Variants in F12 observed in about 807,000 individuals in gnomAD.
F12 encodes the protein coagulation factor XII.
Under a neutral mutation model 74.8 loss-of-function variants are expected in F12, and 70 were observed. That is an observed-to-expected ratio of 0.94 (90% confidence interval 0.77 to 1.14). The LOEUF is 1.14. Ranked by LOEUF, F12 falls within the 50% of genes most tolerant of loss-of-function variation. The pLI is 0.00. For synonymous variants in F12, 373 were observed against 356.4 expected, an observed-to-expected ratio of 1.05 and a Z score of -0.52; for missense variants, 811 against 835.7, an observed-to-expected ratio of 0.97 and a Z score of 0.36.
chr5:177,405,680 A>G, intron 4 of F12, 55 bp downstream of exon 4: 2 of 1,536,810 alleles, frequency 1.3e-6, no homozygotes, highest in South Asian at 1.1e-5. Context: ...ATACCAGGAG[A>G]GTAATGAGGC....
chr5:177,403,308 G>A lies in F12; in HGVS notation c.1477C>T (p.Arg493Ter), dbSNP rs1340560369. The A allele has an allele frequency of 7.5e-6, 12 of 1,599,382 alleles. No homozygotes were observed. Among genetic ancestry groups the A allele is most frequent in the Non-Finnish European group, 1.0e-5 (12 of 1,179,782 alleles). ...TGGCAGAGCGTGGTCTCGGAGGGTC[G>A]CGCGGCGCCGCTTGGCAGGCACACC... is the stretch of plus-strand genomic sequence containing the variant. ...QPVCLPSGAA[R>*]PSETTLCQVA... The change falls in exon 12 of 14, where the codon CGA becomes TGA. Residue 493 changes from arginine to a stop codon, truncating the protein, a stop_gained. Coordinates refer to ENST00000253496, the MANE Select transcript of F12 (RefSeq NM_000505.4). LOFTEE classifies it high-confidence loss of function.
rs1297284879 is a variant in F12, at chr5:177,404,092, T to G, written c.1019-2A>C. On this transcript the variant is annotated splice_acceptor_variant, in intron 9 of 13. Transcript: ENST00000253496. LOFTEE classifies it high-confidence loss of function. ...GCTGCTCCCGCTTCGCCGGCAAGGC[T>G]GTGGAGGAGCAGGGGCTGAGGACGG... 1.2e-6 allele frequency: 2 copies of G among 1,602,426 alleles called. No homozygotes were observed. The highest frequency in any genetic ancestry group is 1.1e-5 in the South Asian group (1 of 90,498).
chr5:177,404,708 C>G (rs1292294475), intron 7 of F12, 44 bp from the exon 8 acceptor site: 1 of 1,605,574 alleles, frequency 6.2e-7, no homozygotes, highest in Non-Finnish European at 8.5e-7. Flanking sequence ...GCTGGGCTCT[C>G]CTGCCTCCCT....
At position 177,403,550 on chromosome 5, in the gene F12, G is replaced by T. The variant is rs1763197852; in HGVS notation, c.1318C>A (p.Gln440Lys). 13 of 1,600,778 alleles carry T rather than the reference G, an allele frequency of 8.1e-6. No homozygotes were observed. The East Asian group carries it at 2.7e-4, about 33-fold the overall frequency. The change falls in exon 11 of 14, where the codon CAG (glutamine) becomes AAG (lysine). Residue 440 changes from glutamine (Q) to lysine (K), a missense_variant. Transcript: ENST00000253496. ...CGGTAGGAGCGCACGGCCAACGTCT[G>T]GCACGGCTCACAGCTGTGGTTACGG... The part of the protein sequence containing the change: ...ERRNHSCEPC[Q>K]TLAVRSYRLH...
chr5:177,405,791 G>T lies in F12; in HGVS notation c.230C>A (p.Pro77His). 6.2e-7 allele frequency: 1 copy of T among 1,614,154 alleles called. No individual in the cohort carries two copies. ...PGPQPWCATT[P>H]NFDQDQRWGY... is the part of the protein sequence containing the mutation. ...CCATCGCTGGTCCTGATCAAAGTTGGGGGTGGTAGCACACCTGTAGAAAGA... is the reference window on the plus strand; with the variant it reads ...CCATCGCTGGTCCTGATCAAAGTTGTGGGTGGTAGCACACCTGTAGAAAGA... Residue 77 changes from proline to histidine, a missense_variant, in exon 4 of 14, where the codon CCC (proline) becomes CAC (histidine). Pro to His is a moderately conservative substitution (Grantham distance 77). Coordinates refer to ENST00000253496, the MANE Select transcript of F12 (RefSeq NM_000505.4).
rs747077611 is a variant in F12, at chr5:177,402,647, G to A, written c.1583C>T (p.Ser528Phe). 2 of 1,612,940 alleles carry A rather than the reference G, an allele frequency of 1.2e-6. No individual in the cohort carries two copies. The highest frequency in any genetic ancestry group is 2.2e-5 in the East Asian group (1 of 44,882). Residue 528 changes from serine (S) to phenylalanine (F), a missense_variant, in exon 13 of 14, where the codon TCC (serine) becomes TTC (phenylalanine). Ser to Phe is a radical substitution (Grantham distance 155, BLOSUM62 -2). Coordinates refer to ENST00000253496, the MANE Select transcript of F12 (RefSeq NM_000505.4). ...GTCCGGGGCTGAGCAGCGCTCCAGG[G>A]AGAGGAACGGTACCTGCGCCTCCTG... ...FLQEAQVPFL[S>F]LERCSAPDVH...
At chr5:177,406,851 G>T (rs1320317809) in intron 2 of F12, among the ~76,000 whole-genome samples, 2 of 152,184 alleles carry the variant, frequency 1.3e-5, no homozygotes, top group African/African-American at 4.8e-5. Flanking sequence ...TGAAAAATTT[G>T]CACATTCCCA....
chr5:177,402,334 C>T lies in F12; in HGVS notation c.1806G>A (p.Val602=). ...DRNKPGVYTD[V]AYYLAWIREH... ...CCCGGATCCAGGCCAGGTAGTAGGC[C>T]ACATCGGTGTAGACGCCTGGCTTGT... The change falls in exon 14 of 14, where the codon GTG becomes GTA. Residue 602 remains valine (V), a synonymous_variant. Transcript: ENST00000253496. 6.2e-7 allele frequency: 1 copy of T among 1,613,856 alleles called. No homozygotes were observed. The highest frequency in any genetic ancestry group is 8.5e-7 in the Non-Finnish European group (1 of 1,180,008).
chr5:177,405,009 T>C, intron 6 of F12, 45 bp downstream of exon 6: 1 of 1,604,364 alleles, frequency 6.2e-7, no homozygotes, highest in South Asian at 1.1e-5. Context: ...TGCCAGCCTG[T>C]CTTCCTGACG....
chr5:177,406,161 G>T, intron 2 of F12, 100 bp from the exon 3 acceptor site: 2 of 1,129,294 alleles, frequency 1.8e-6, no homozygotes, highest in Non-Finnish European at 1.3e-6. Context: ...CCTCAAAAAG[G>T]TCGCTGTGCA....
Position 177,403,952 on chromosome 5 carries a change from T to C in F12, c.1157A>G (p.Tyr386Cys). The change falls in exon 10 of 14, where the codon TAC becomes TGC. Residue 386 changes from tyrosine to cysteine, a missense_variant. Physicochemically the swap from Tyr to Cys is radical, Grantham distance 194 (BLOSUM62 -2). Transcript: ENST00000253496. The part of the protein sequence containing the change: ...GLVALRGAHP[Y>C]IAALYWGHSF... ...GTGGCCCCAGTACAGCGCGGCGATG[T>C]AGGGGTGCGCCCCGCGTAGCGCCAC... 6.2e-7 allele frequency: 1 copy of C among 1,601,666 alleles called. No individual in the cohort carries two copies. Among genetic ancestry groups the C allele is most frequent in the Non-Finnish European group, 8.5e-7 (1 of 1,178,640 alleles).
rs777932447 is a variant in F12 at position 177,405,030 on chromosome 5, G to A, written c.529+24C>T. On this transcript the variant is annotated intron_variant, in intron 6 of 13. Transcript: ENST00000253496. ...CCTGTCTTCCTGACGCTCCTCCCTGGCCCGTTCCCAACCATCTGCTCACCC... is the reference window on the plus strand; with the variant it reads ...CCTGTCTTCCTGACGCTCCTCCCTGACCCGTTCCCAACCATCTGCTCACCC... 1.7e-5 allele frequency: 27 copies of A among 1,609,170 alleles called. 1 individual carries two copies. In the East Asian group the frequency reaches 2.7e-4, roughly 16 times the overall value.
In F12 at chr5:177,402,465, T is replaced by G. The variant is rs1717176626; in HGVS notation, c.1681-6A>C. On this transcript the variant is annotated splice_region_variant and splice_polypyrimidine_tract_variant and intron_variant, in intron 13 of 13. Coordinates refer to ENST00000253496, the MANE Select transcript of F12 (RefSeq NM_000505.4). ...AGCGGGCCTCCGGAATCACCCTGGG[T>G]CGGAAACACGCAGCTCAGCGCTGTG... is the stretch of plus-strand genomic sequence containing the variant. 6.2e-7 allele frequency: 1 copy of G among 1,603,674 alleles called. No individual in the cohort carries two copies.
chr5:177,409,017 T>C (rs765687916), intron 2 of F12, 29 bp downstream of exon 2: 15 of 1,549,436 alleles, frequency 9.7e-6, no homozygotes, highest in Non-Finnish European at 1.2e-5. Flanking sequence ...CACCCAAGGG[T>C]TCCCGGGAGG....
In F12 at chr5:177,409,476, G is replaced by A. The variant is rs138423738; in HGVS notation, c.52C>T (p.Leu18Phe). The change falls in exon 1 of 14, where the codon CTT (leucine) becomes TTT (phenylalanine). Residue 18 changes from leucine (L) to phenylalanine (F), a missense_variant. By Grantham distance (22) the Leu-to-Phe change is conservative. Transcript: ENST00000253496. ...GFLLVSLEST[L>F]SIPPWEAPKE... The stretch of plus-strand genomic sequence containing the variant: ...CTGGTTCCCACAGCACTCACCGAAA[G>A]TGTTGACTCCAAGCTCACCAGCAGG... 101 of 1,614,054 alleles carry A rather than the reference G, an allele frequency of 6.3e-5. No homozygotes were observed. In the African/African-American group the frequency reaches 1.1e-3, roughly 18 times the overall value.
chr5:177,409,523 C>G lies in F12; in HGVS notation c.5G>C (p.Arg2Thr). Residue 2 changes from arginine to threonine, a missense_variant, in exon 1 of 14, where the codon AGG becomes ACG. Physicochemically the swap from Arg to Thr is moderately conservative, Grantham distance 71. Transcript: ENST00000253496. The stretch of plus-strand genomic sequence containing the variant: ...CAGGAACCCCAGGAGCAGCAGAGCC[C>G]TCATGGCATCCGTCCGTTGGTCCAG... M[R>T]ALLLLGFLLV... The G allele has an allele frequency of 6.2e-7, 1 of 1,614,172 alleles. No homozygotes were observed. The highest frequency in any genetic ancestry group is 1.1e-5 in the South Asian group (1 of 91,078).
At position 177,404,678 on chromosome 5, in the gene F12, G is replaced by C; in HGVS notation, c.635-14C>G. ...TTGCCTTGGTGTCTGAGGAGAAAGG[G>C]GGCTCCCTGGGCAGCCAAGGCTGGG... On this transcript the variant is annotated splice_polypyrimidine_tract_variant and intron_variant, in intron 7 of 13. Transcript: ENST00000253496. The C allele has an allele frequency of 1.2e-6, 2 of 1,606,468 alleles. No individual in the cohort carries two copies. The highest frequency in any genetic ancestry group is 1.7e-6 in the Non-Finnish European group (2 of 1,179,678).
At chr5:177,404,173 C>T (rs750067028) in intron 9 of F12, 23 bp downstream of exon 9, 3 of 1,537,232 alleles carry the variant, frequency 2.0e-6, no homozygotes, top group East Asian at 2.3e-5. Context: ...CTCGGCTCCT[C>T]CTTCCCCCCC....
chr5:177,403,807 G>A, intron 10 of F12, 52 bp downstream of exon 10: 5 of 1,468,838 alleles, frequency 3.4e-6, no homozygotes, highest in Non-Finnish European at 4.5e-6. Context: ...GCTGCGCTGG[G>A]AGACGGAGGA....
Sources: gnomAD v4.1 joint callset for allele counts (sites outside exome capture counted in the v4.1 genomes callset) on GRCh38, gnomAD v4.1.1 for gene constraint, MANE v1.5 for transcripts, NCBI Gene and HGNC (gene_info 2026-07-23, HGNC 2026-07-21) for gene names.